AGAP3: variants seen among roughly 807,000 people sequenced by gnomAD.
The protein encoded by AGAP3 is arf-GAP with GTPase, ANK repeat and PH domain-containing protein 3.
A neutral mutation model predicts 96.9 loss-of-function variants in AGAP3; 24 were observed. The ratio of observed to expected loss-of-function variants is 0.25; its 90% CI spans 0.18 to 0.35. The LOEUF is 0.35. Among genes scored for constraint, AGAP3 ranks in the 10% least tolerant of loss-of-function variants. AGAP3 has a pLI of 1.00. For missense variants in AGAP3, 876 were observed against 1,254.2 expected (o/e 0.70, Z 4.55); for synonymous variants, 563 against 536.1 (o/e 1.05, Z -0.69).
Position 151,087,011 on chromosome 7 carries a change from C to T in AGAP3, c.270C>T (p.Ile90=), listed in dbSNP as rs749601035. 3 of 1,613,070 alleles carry T rather than the reference C, an allele frequency of 1.9e-6. No individual in the cohort carries two copies. Among genetic ancestry groups the T allele is most frequent in the East Asian group, 2.2e-5 (1 of 44,850 alleles). ...HPNIYAIYDL[I]ERIEDLALQN... ...ATATCTACGCCATCTACGACCTGAT[C>T]GAGCGCATCGAGGATTTGGCGCTGC... is the stretch of plus-strand genomic sequence containing the variant. The change falls in exon 1 of 18, where the codon ATC becomes ATT. Residue 90 remains isoleucine (I), a synonymous_variant. Coordinates refer to ENST00000397238, the MANE Select transcript of AGAP3 (RefSeq NM_031946.7).
At chr7:151,122,160 C>T (rs1026608962) in intron 8 of AGAP3, among the ~76,000 whole-genome samples, 1 of 152,220 alleles carries the variant, frequency 6.6e-6, no homozygotes, top group African/African-American at 2.4e-5. Flanking sequence ...TCTGGGGACC[C>T]GGTGGCAGCA....
At chr7:151,125,023 C>T (rs548884444) in intron 9 of AGAP3, among the ~76,000 whole-genome samples, 19 of 152,316 alleles carry the variant, frequency 1.2e-4, no homozygotes, top group Middle Eastern at 3.4e-3. Context: ...CTTCCCTGTT[C>T]GTTCGCGGAG....
intron 1 of AGAP3, among the ~76,000 whole-genome samples, chr7:151,100,474 G>A (rs1177229173): frequency 6.6e-6 from 1 of 152,136 alleles, no homozygotes. Flanking sequence ...CGCCAGTGTC[G>A]GGATTGCTCA....
chr7:151,090,664 C>T, intron 1 of AGAP3: 1 of 152,546 alleles, frequency 6.6e-6, no homozygotes. Flanking sequence ...GTGCATGTGG[C>T]CGGGTACAGT....
In AGAP3 at chr7:151,134,508, A is replaced by G. The variant is rs981068005; in HGVS notation, c.1435A>G (p.Ser479Gly). 8.7e-6 allele frequency: 14 copies of G among 1,613,200 alleles called. No individual in the cohort carries two copies. Among genetic ancestry groups the G allele is most frequent in the Admixed American group, 3.3e-5 (2 of 59,994 alleles). The change falls in exon 11 of 18, where the codon AGC becomes GGC. Residue 479 changes from serine to glycine, a missense_variant. Ser to Gly is a moderately conservative substitution (Grantham distance 56, BLOSUM62 0). Transcript: ENST00000397238. ...RATPATAPGTSPRANGLSVER... is the reference protein window; with the variant it reads ...RATPATAPGTGPRANGLSVER... ...CACACCTGCCACAGCCCCGGGCACCAGCCCCCGTGCCAACGGGCTGTCCGT... is the reference window on the plus strand; with the variant it reads ...CACACCTGCCACAGCCCCGGGCACCGGCCCCCGTGCCAACGGGCTGTCCGT...
chr7:151,111,885 G>C (rs1277363510), intron 1 of AGAP3, among the ~76,000 whole-genome samples: 1 of 152,196 alleles, frequency 6.6e-6, no homozygotes, highest in African/African-American at 2.4e-5. Flanking sequence ...GAGAACTGAC[G>C]TGAGGGCTTG....
At chr7:151,138,021 A>ATGAACCCAGTGCCCTGC in intron 11 of AGAP3, 122 bp from the exon 12 acceptor site, 1 of 802,786 alleles carries the variant, frequency 1.2e-6, no homozygotes, top group African/African-American at 1.7e-5. Context: ...CCGCCACCTG[A>ATGAACCCAGTGCCCTGC]TGAACCCAGT....
Position 151,140,126 on chromosome 7 carries a change from ACC to A in AGAP3, c.1804+12_1804+13del. On this transcript the variant is annotated intron_variant, in intron 13 of 17. Coordinates refer to ENST00000397238, the MANE Select transcript of AGAP3 (RefSeq NM_031946.7). This position sits in a 1 kb window ranked among gnomAD's most constrained non-coding sequence, Gnocchi z 5.4. The stretch of plus-strand genomic sequence containing the variant: ...AGCAGTGCTACTGAAGGTTAGGGGG[ACC>A]CAGAGGGAAACCGGGCACAGGAGGT... The A allele has an allele frequency of 6.4e-7, 1 of 1,570,272 alleles. No homozygotes were observed.
chr7:151,131,811 T>A (rs1056110724), intron 10 of AGAP3, among the ~76,000 whole-genome samples: 2 of 152,188 alleles, frequency 1.3e-5, no homozygotes, highest in East Asian at 3.9e-4. Flanking sequence ...TTTCCTGCCA[T>A]GTCCCAGCCT....
rs1800930051 is a variant in AGAP3 at position 151,144,097 on chromosome 7, A to G, written c.*154A>G. The G allele has an allele frequency of 3.1e-5, 25 of 804,098 alleles. No individual in the cohort carries two copies. The South Asian group carries it at 4.3e-4, about 14-fold the overall frequency. The allele number at this position is 804,098 out of a possible 1,614,324, so 49.8% of individuals were successfully genotyped here. ...TTAGGGAGGAGAGTCAAAGGGATCA[A>G]GGAGAGTTGGGGATTTGAGCTGCAG... On this transcript the variant is annotated 3_prime_UTR_variant, in exon 18 of 18. Coordinates refer to ENST00000397238, the MANE Select transcript of AGAP3 (RefSeq NM_031946.7).
At position 151,118,079 on chromosome 7, in the gene AGAP3, C is replaced by A; in HGVS notation, c.707-131C>A. 1 of 1,258,522 alleles carries A rather than the reference C, an allele frequency of 7.9e-7. No individual in the cohort carries two copies. The highest frequency in any genetic ancestry group is 2.5e-5 in the East Asian group (1 of 40,678). 78.0% of individuals were successfully genotyped at this position (1,258,522 alleles called of 1,614,324 possible). A position where few individuals can be genotyped will look rare whatever the true frequency, so the allele number is the denominator to read the frequency against. On this transcript the variant is annotated intron_variant, in intron 5 of 17. Transcript: ENST00000397238. The surrounding 1 kb of genome is among the most constrained non-coding windows in gnomAD (Gnocchi z 6.1). ...AGGGTTGAAATGAGACCCAGGCACC[C>A]GCGTTCTTGGTGCTCTGTGTGTTCC...
At chr7:151,117,348 C>T in intron 3 of AGAP3, 23 bp from the exon 4 acceptor site, 1 of 1,613,890 alleles carries the variant, frequency 6.2e-7, no homozygotes, top group Non-Finnish European at 8.5e-7. Flanking sequence ...ACACTTTGGA[C>T]CTGACTGCGC....
intron 1 of AGAP3, among the ~76,000 whole-genome samples, chr7:151,107,306 G>A (rs1275267978): frequency 3.0e-5 from 4 of 132,910 alleles, no homozygotes; most frequent in South Asian, 2.4e-4. Context: ...GCAAGACTCC[G>A]GCTCAAAAAA....
intron 1 of AGAP3, among the ~76,000 whole-genome samples, chr7:151,100,898 GC>G (rs1262130302): frequency 2.0e-5 from 3 of 152,132 alleles, no homozygotes; most frequent in Non-Finnish European, 4.4e-5. Flanking sequence ...AGGACTCCTT[GC>G]CCCCATCACA....
chr7:151,131,174 C>T (rs1421695484), intron 10 of AGAP3: 1 of 152,242 alleles, frequency 6.6e-6, no homozygotes, highest in Non-Finnish European at 1.5e-5. Flanking sequence ...TGGGCCAGCC[C>T]TGAGCCCCGC....
At chr7:151,094,442 C>T (rs1350123148) in intron 1 of AGAP3, among the ~76,000 whole-genome samples, 1 of 151,600 alleles carries the variant, frequency 6.6e-6, no homozygotes, top group South Asian at 2.1e-4. Flanking sequence ...GTTCCCTGCC[C>T]CACTTCCCCG....
intron 1 of AGAP3, among the ~76,000 whole-genome samples, chr7:151,106,079 C>T (rs1323596284): frequency 6.6e-6 from 1 of 152,014 alleles, no homozygotes; most frequent in Non-Finnish European, 1.5e-5. Flanking sequence ...CTGTCAGTGG[C>T]CAGCAGTGAA....
chr7:151,100,478 T>C lies in AGAP3; in HGVS notation c.331+13406T>C, dbSNP rs150668234. Among the ~76,000 whole-genome samples, 46 of 152,270 alleles carry C rather than the reference T, an allele frequency of 3.0e-4. No individual in the cohort carries two copies. In the East Asian group the frequency reaches 5.0e-3, roughly 17 times the overall value. On this transcript the variant is annotated intron_variant, in intron 1 of 17. Transcript: ENST00000397238. ...CCCAGCAGCTACGCCAGTGTCGGGATTGCTCAGCAAGCTGCGGTGTAAACC... is the reference window on the plus strand; with the variant it reads ...CCCAGCAGCTACGCCAGTGTCGGGACTGCTCAGCAAGCTGCGGTGTAAACC...
At chr7:151,116,720 GAC>G in intron 1 of AGAP3, 71 bp from the exon 2 acceptor site, 1 of 1,566,314 alleles carries the variant, frequency 6.4e-7, no homozygotes, top group South Asian at 1.1e-5. Flanking sequence ...CATCATAGGT[GAC>G]ACAGGCAGCA....
Sources: allele counts gnomAD v4.1 joint callset (sites outside exome capture counted in the v4.1 genomes callset), GRCh38; gene constraint gnomAD v4.1.1; non-coding constraint Gnocchi (gnomAD v3.1); transcripts MANE v1.5; gene names NCBI Gene and HGNC (gene_info 2026-07-23, HGNC 2026-07-21).